The following MYH13 variants were observed in gnomAD, a reference collection of about 807,000 sequenced individuals.
The protein encoded by MYH13 is myosin-13.
Under a neutral mutation model 232.1 loss-of-function variants are expected in MYH13, and 177 were observed. The ratio of observed to expected loss-of-function variants is 0.76; its 90% confidence interval spans 0.67 to 0.86. The LOEUF (loss-of-function observed/expected upper bound fraction) is 0.86. Ranked by LOEUF, MYH13 falls within the 40% of genes least tolerant of loss-of-function variation. The pLI, the probability that MYH13 is intolerant of heterozygous loss-of-function variation, is 0.00. For synonymous variants in MYH13, 884 were observed against 923.5 expected (o/e 0.96, Z 0.78); for missense variants, 2,246 against 2,405.9 (o/e 0.93, Z 1.39).
intron 7 of MYH13, among the ~76,000 whole-genome samples, chr17:10,359,427 C>T (rs2071773998): frequency 6.6e-6 from 1 of 152,336 alleles, no homozygotes; most frequent in South Asian, 2.1e-4. Flanking sequence ...TGCCCCTCCC[C>T]CATACCTTGC....
intron 2 of MYH13, among the ~76,000 whole-genome samples, chr17:10,370,466 A>G (rs1016738188): frequency 1.5e-4 from 23 of 152,110 alleles, no homozygotes; most frequent in African/African-American, 5.3e-4. Context: ...CCTGCTTCCA[A>G]CGTTGCATAG....
chr17:10,346,707 A>G lies in MYH13; in HGVS notation c.1236T>C (p.Tyr412=), dbSNP rs777390508. 8 of 1,613,774 alleles carry G rather than the reference A, an allele frequency of 5.0e-6. No homozygotes were observed. Among genetic ancestry groups the G allele is most frequent in the Middle Eastern group, 1.6e-4 (1 of 6,084 alleles). The change falls in exon 13 of 41, where the codon TAT becomes TAC. Residue 412 remains tyrosine (Y), a synonymous_variant. Transcript: ENST00000252172. ...CCPRVKVGNE[Y]VTKGQNVQQV... ...GCTGGACATTTTGCCCTTTAGTGAC[A>G]TATTCATTGCCAACCTTCACCCTTG...
chr17:10,324,706 C>G (rs1187208747), intron 22 of MYH13: 1 of 156,706 alleles, frequency 6.4e-6, no homozygotes, highest in Non-Finnish European at 1.4e-5. Flanking sequence ...CTCGGCCTCC[C>G]AAAGTGCTGG....
In MYH13 at chr17:10,333,191, C is replaced by T. The variant is rs1293444889; in HGVS notation, c.2057G>A (p.Gly686Asp). The change falls in exon 19 of 41, where the codon GGT becomes GAT. Residue 686 changes from glycine to aspartate, a missense_variant and splice_region_variant. By Grantham distance (94) the Gly-to-Asp change is moderately conservative (BLOSUM62 -1). Transcript: ENST00000252172. ...CATGACCAAGTAGTGGTCCATCACA[C>T]CTGGAGAGAGAACGTCCCGGGGGTG... ...CLIPNETKTP[G>D]VMDHYLVMHQ... 2.6e-6 allele frequency: 4 copies of T among 1,543,634 alleles called. No homozygotes were observed. Among genetic ancestry groups the T allele is most frequent in the African/African-American group, 2.7e-5 (2 of 73,090 alleles).
intron 24 of MYH13, among the ~76,000 whole-genome samples, chr17:10,320,798 C>T (rs1196086460): frequency 1.3e-5 from 2 of 152,228 alleles, no homozygotes; most frequent in Non-Finnish European, 2.9e-5. Context: ...CATGGGTGCA[C>T]ACTCTTGCAC....
chr17:10,331,059 A>G (rs1023905194), intron 20 of MYH13, among the ~76,000 whole-genome samples: 16 of 151,952 alleles, frequency 1.1e-4, no homozygotes, highest in Non-Finnish European at 1.8e-4. Flanking sequence ...AACGACAAAA[A>G]CAACGTGTGT....
chr17:10,349,201 C>A (rs549985110), intron 12 of MYH13, among the ~76,000 whole-genome samples: 1 of 152,282 alleles, frequency 6.6e-6, no homozygotes, highest in East Asian at 1.9e-4. Flanking sequence ...CTCCCGGGAT[C>A]AAGTGATTCT....
At chr17:10,350,799 C>A (rs538114074) in intron 11 of MYH13, 105 bp from the exon 12 acceptor site, 4 of 1,452,344 alleles carry the variant, frequency 2.8e-6, no homozygotes, top group South Asian at 2.3e-5. Context: ...TATGAGACAG[C>A]ATTTGCCCAA....
intron 22 of MYH13, 131 bp from the exon 23 acceptor site, chr17:10,324,395 C>T: frequency 5.9e-6 from 6 of 1,013,656 alleles, no homozygotes; most frequent in Non-Finnish European, 8.7e-6. Flanking sequence ...CATGCACGCA[C>T]ATGTGCACAC....
rs888926759 is a variant in MYH13, at chr17:10,332,095, T to C, written c.2298+4A>G. ...AGGGGAGTCCCAGCCTTGCCTGTGC[T>C]CACCTTGGTGTTGCCGAACCTGAAC... is the stretch of plus-strand genomic sequence containing the variant. On this transcript the variant is annotated splice_donor_region_variant and intron_variant, in intron 20 of 40. Transcript: ENST00000252172. 1 of 1,613,814 alleles carries C rather than the reference T, an allele frequency of 6.2e-7. No homozygotes were observed. Among genetic ancestry groups the C allele is most frequent in the Admixed American group, 1.7e-5 (1 of 60,016 alleles).
At position 10,324,018 on chromosome 17, in the gene MYH13, T is replaced by C; in HGVS notation, c.2934+4A>G. 3 of 1,613,706 alleles carry C rather than the reference T, an allele frequency of 1.9e-6. No homozygotes were observed. Among genetic ancestry groups the C allele is most frequent in the Non-Finnish European group, 2.5e-6 (3 of 1,179,816 alleles). ...CACTGTGGGAGTCCCTTGGGTTTGCTCACCTTGTTCTCTGTGGCATGCTTC... is the reference window on the plus strand; with the variant it reads ...CACTGTGGGAGTCCCTTGGGTTTGCCCACCTTGTTCTCTGTGGCATGCTTC... On this transcript the variant is annotated splice_donor_region_variant and intron_variant, in intron 23 of 40. Transcript: ENST00000252172.
chr17:10,318,102 C>T (rs1906781622), intron 27 of MYH13, among the ~76,000 whole-genome samples: 1 of 152,114 alleles, frequency 6.6e-6, no homozygotes, highest in Non-Finnish European at 1.5e-5. Context: ...ATTAGCCAGG[C>T]CTGGTGGCGT....
At chr17:10,330,969 A>T (rs1907390242) in intron 20 of MYH13, among the ~76,000 whole-genome samples, 1 of 152,006 alleles carries the variant, frequency 6.6e-6, no homozygotes, top group Non-Finnish European at 1.5e-5. Flanking sequence ...GTGAGCAGAG[A>T]TTGCACCATT....
chr17:10,325,237 AC>A (rs1273553243), intron 22 of MYH13, among the ~76,000 whole-genome samples: 2 of 152,252 alleles, frequency 1.3e-5, no homozygotes, highest in Non-Finnish European at 2.9e-5. Context: ...TCTTCCTGCT[AC>A]CACCAGTTGG....
intron 11 of MYH13, among the ~76,000 whole-genome samples, chr17:10,353,404 A>T (rs1255243257): frequency 6.6e-6 from 1 of 152,232 alleles, no homozygotes; most frequent in East Asian, 1.9e-4. Context: ...AAGGCTAAGA[A>T]GCTGGTCATG....
intron 3 of MYH13, among the ~76,000 whole-genome samples, chr17:10,364,074 G>A (rs1478622149): frequency 6.6e-6 from 1 of 152,046 alleles, no homozygotes; most frequent in Non-Finnish European, 1.5e-5. Context: ...AACCTTTTCT[G>A]CCCTCACCTG....
In MYH13 at chr17:10,319,121, A is replaced by G. The variant is rs1179321893; in HGVS notation, c.3407T>C (p.Ile1136Thr). Residue 1136 changes from isoleucine to threonine, a missense_variant, in exon 27 of 41, where the codon ATT becomes ACT. Transcript: ENST00000252172. ...IEAEHTLRAKIEKQRSDLARE... is the reference protein window; with the variant it reads ...IEAEHTLRAKTEKQRSDLARE... ...GGCCAGATCTGAGCGCTGCTTCTCA[A>G]TCTTGGCTCTGAGCGTGTGTTCCGC... 1.2e-6 allele frequency: 2 copies of G among 1,613,870 alleles called. No homozygotes were observed. Among genetic ancestry groups the G allele is most frequent in the South Asian group, 1.1e-5 (1 of 91,058 alleles).
chr17:10,363,394 C>A (rs73283828), intron 3 of MYH13, among the ~76,000 whole-genome samples: 1 of 151,146 alleles, frequency 6.6e-6, no homozygotes, highest in Admixed American at 6.6e-5. Context: ...TTCCAAAAAC[C>A]TAAGTCCTTA....
chr17:10,345,194 C>A lies in MYH13; in HGVS notation c.1584+8G>T, dbSNP rs2071652773. ...GAGGAGCTGTCCCAGGCAGCAGTAT[C>A]TCTCTACCTTCTCGATGAGCTCGAT... On this transcript the variant is annotated splice_region_variant and intron_variant, in intron 15 of 40. Coordinates refer to ENST00000252172, the MANE Select transcript of MYH13 (RefSeq NM_003802.3). The A allele has an allele frequency of 4.3e-6, 7 of 1,614,066 alleles. No individual in the cohort carries two copies. The highest frequency in any genetic ancestry group is 5.1e-6 in the Non-Finnish European group (6 of 1,179,920).
Sources: gnomAD v4.1 joint callset for allele counts (sites outside exome capture counted in the v4.1 genomes callset) on GRCh38, gnomAD v4.1.1 for gene constraint, MANE v1.5 for transcripts, NCBI Gene and HGNC (gene_info 2026-07-23, HGNC 2026-07-21) for gene names.